NRG3: variants seen among roughly 807,000 people sequenced by gnomAD.
The protein encoded by NRG3 is neuregulin 3.
Under a neutral mutation model 66.9 loss-of-function variants are expected in NRG3, and 31 were observed. The ratio of observed to expected loss-of-function variants is 0.46; its 90% CI spans 0.35 to 0.63. NRG3 has a LOEUF of 0.63. Among genes scored for constraint, NRG3 ranks in the 20% least tolerant of loss-of-function variants. NRG3 has a pLI of 0.00. For missense variants in NRG3, 910 were observed against 878.9 expected (o/e 1.04, Z -0.45); for synonymous variants, 393 against 359.4 (o/e 1.09, Z -1.06).
chr10:82,710,165 G>A (rs1359214789), intron 2 of NRG3, among the ~76,000 whole-genome samples: 7 of 152,136 alleles, frequency 4.6e-5, no homozygotes, highest in African/African-American at 1.7e-4. Flanking sequence ...AAGTTCCTTT[G>A]TTGGACATAT....
chr10:82,687,522 TTTTTG>T (rs2054604247), intron 2 of NRG3, among the ~76,000 whole-genome samples: 1 of 152,120 alleles, frequency 6.6e-6, no homozygotes, highest in Non-Finnish European at 1.5e-5. Flanking sequence ...GTGATTCTGC[TTTTTG>T]TTTGTTTGTT....
intron 1 of NRG3, among the ~76,000 whole-genome samples, chr10:81,891,709 A>G (rs192391142): frequency 3.3e-5 from 5 of 152,332 alleles, no homozygotes; most frequent in Admixed American, 1.3e-4. Context: ...AGTAATTAAG[A>G]CACAGTGGGA....
intron 4 of NRG3, among the ~76,000 whole-genome samples, chr10:82,870,818 T>C (rs1841274140): frequency 3.9e-5 from 6 of 152,224 alleles, no homozygotes. Flanking sequence ...TTTTGAAAAA[T>C]GATCCTTTAT....
intron 2 of NRG3, among the ~76,000 whole-genome samples, chr10:82,703,861 C>T (rs556344033): frequency 6.6e-6 from 1 of 152,166 alleles, no homozygotes; most frequent in South Asian, 2.1e-4. Flanking sequence ...GCACCCAGAA[C>T]TGGTTAATCA....
chr10:82,471,245 T>G (rs10884735), intron 2 of NRG3, among the ~76,000 whole-genome samples: 85,013 of 151,774 alleles, frequency 0.56, 27,567 homozygotes, highest in South Asian at 0.77. Flanking sequence ...TTGAAACCCA[T>G]TTGACCACCC....
chr10:82,796,303 C>G (rs1361299878), intron 3 of NRG3, among the ~76,000 whole-genome samples: 1 of 152,092 alleles, frequency 6.6e-6, no homozygotes, highest in East Asian at 1.9e-4. Flanking sequence ...AAATAAGAGT[C>G]TGAAAGCCGA....
chr10:82,731,136 G>A (rs1046376017), intron 2 of NRG3, among the ~76,000 whole-genome samples: 2 of 152,106 alleles, frequency 1.3e-5, no homozygotes, highest in East Asian at 3.9e-4. Context: ...GGAGGCTGAG[G>A]CAGGCGGATA....
intron 2 of NRG3, among the ~76,000 whole-genome samples, chr10:82,503,346 A>G (rs1447004956): frequency 6.6e-6 from 1 of 152,188 alleles, no homozygotes; most frequent in Non-Finnish European, 1.5e-5. Flanking sequence ...GATCTCAGGA[A>G]AATCTGGTGA....
At chr10:82,054,857 A>G (rs61864595) in intron 1 of NRG3, among the ~76,000 whole-genome samples, 53,118 of 151,872 alleles carry the variant, frequency 0.35, 10,716 homozygotes, top group South Asian at 0.46. Flanking sequence ...AAAAATAGCC[A>G]GGTGTGGTGG....
At chr10:82,875,862 G>A (rs991168804) in intron 4 of NRG3, among the ~76,000 whole-genome samples, 1 of 152,144 alleles carries the variant, frequency 6.6e-6, no homozygotes, top group African/African-American at 2.4e-5. Context: ...ACACATATTG[G>A]TACCTCCTAT....
intron 2 of NRG3, among the ~76,000 whole-genome samples, chr10:82,713,487 A>C (rs1455520061): frequency 1.3e-5 from 2 of 152,298 alleles, no homozygotes; most frequent in East Asian, 3.9e-4. Context: ...GGAGTCATGG[A>C]TGCTTTTGGC....
chr10:82,506,896 C>T (rs532722742), intron 2 of NRG3, among the ~76,000 whole-genome samples: 1 of 152,256 alleles, frequency 6.6e-6, no homozygotes, highest in African/African-American at 2.4e-5. Flanking sequence ...GCTGTGATCA[C>T]GTCTCAGGGT....
intron 1 of NRG3, among the ~76,000 whole-genome samples, chr10:82,026,673 CTGTCTGTT>C (rs1377985251): frequency 1.3e-5 from 2 of 151,512 alleles, no homozygotes; most frequent in Non-Finnish European, 2.9e-5. Flanking sequence ...TGAATTTTGT[CTGTCTGTT>C]TGTCTGTTTG....
rs1183557631 is a variant in NRG3 at position 82,000,337 on chromosome 10, T to C, written c.823+124174T>C. Among the ~76,000 whole-genome samples the C allele has an allele frequency of 2.0e-5, 3 of 152,322 alleles. No homozygotes were observed. The East Asian group carries it at 5.8e-4, about 29-fold the overall frequency. On this transcript the variant is annotated intron_variant, in intron 1 of 8. Coordinates refer to ENST00000372141, the MANE Select transcript of NRG3 (RefSeq NM_001010848.4). ...TGGTATTTAGGGAAACTAAGTAATG[T>C]ATCAAGGTCATGTATACAGCTGCTT...
intron 1 of NRG3, among the ~76,000 whole-genome samples, chr10:81,986,619 A>T (rs926408542): frequency 2.1e-4 from 32 of 152,322 alleles, no homozygotes; most frequent in Non-Finnish European, 2.2e-4. Flanking sequence ...TGTACTTACC[A>T]TGTCTTTTAA....
rs61261285 is a variant in NRG3 at position 82,442,784 on chromosome 10, A to ATT, written c.953+83946_953+83947dup. 5.3e-3 allele frequency among the ~76,000 whole-genome samples: 288 copies of ATT among 54,272 alleles called. 49 individuals carry two copies. The highest frequency in any genetic ancestry group is 7.2e-3 in the Non-Finnish European group (223 of 31,054). The allele number at this position is 54,272 out of a possible 152,430, so 35.6% of individuals were successfully genotyped here. ...CACCAAAGATCTTATTTCTGTGTGG[A>ATT]TTTTTTTTTTTTTTTTTTTTTTTTT... On this transcript the variant is annotated intron_variant, in intron 2 of 8. Transcript: ENST00000372141.
At chr10:82,919,737 A>C (rs1373337322) in intron 4 of NRG3, among the ~76,000 whole-genome samples, 1 of 152,194 alleles carries the variant, frequency 6.6e-6, no homozygotes, top group Non-Finnish European at 1.5e-5. Context: ...CTGCAACTTT[A>C]CACAAAGTGA....
At chr10:82,186,572 G>A (rs1453642225) in intron 1 of NRG3, among the ~76,000 whole-genome samples, 1 of 152,136 alleles carries the variant, frequency 6.6e-6, no homozygotes, top group Non-Finnish European at 1.5e-5. Context: ...CAAACAAAGT[G>A]GACCTTAATG....
intron 2 of NRG3, among the ~76,000 whole-genome samples, chr10:82,734,869 A>G (rs1366739943): frequency 6.6e-6 from 1 of 151,926 alleles, no homozygotes; most frequent in Non-Finnish European, 1.5e-5. Flanking sequence ...ATTAAAAAAA[A>G]TAACTGAGTA....
Sources: gnomAD v4.1 joint callset for allele counts (sites outside exome capture counted in the v4.1 genomes callset) on GRCh38, gnomAD v4.1.1 for gene constraint, MANE v1.5 for transcripts, NCBI Gene and HGNC (gene_info 2026-07-23, HGNC 2026-07-21) for gene names.